The following UPF1 variants were observed in gnomAD, a reference collection of about 807,000 sequenced individuals.
UPF1 encodes UPF1 RNA helicase and ATPase.
In UPF1, 9 loss-of-function variants were observed where a neutral mutation model predicts 129.2. That is an observed-to-expected ratio of 0.07 (90% CI 0.04 to 0.12). The LOEUF is 0.12. Among genes scored for constraint, UPF1 ranks in the 10% least tolerant of loss-of-function variants. The probability of loss-of-function intolerance (pLI) is 1.00; values close to 1 mark genes in which losing one functional copy is unlikely to be tolerated. For synonymous variants in UPF1, 649 were observed against 644.9 expected, an observed-to-expected ratio of 1.01 and a Z score of -0.10; for missense variants, 788 against 1,525.3, an observed-to-expected ratio of 0.52 and a Z score of 8.05.
At chr19:18,860,191 C>T (rs1237719915) in intron 15 of UPF1, 130 bp from the exon 16 acceptor site, 6 of 953,030 alleles carry the variant, frequency 6.3e-6, no homozygotes, top group African/African-American at 1.6e-5. Flanking sequence ...CTCACCAGGG[C>T]CTCACAGATC....
Position 18,832,742 on chromosome 19 carries a change from C to G in UPF1, c.231+302C>G, listed in dbSNP as rs1182932376. On this transcript the variant is annotated intron_variant, in intron 1 of 23. Coordinates refer to ENST00000262803, the MANE Select transcript of UPF1 (RefSeq NM_002911.4). The surrounding 1 kb of genome is among the most constrained non-coding windows in gnomAD (Gnocchi z 5.6). ...CTTGCCTCGAGTCCTCCACTTCGTT[C>G]GGGACCGAGCTAACCTGACCCTGTT... is the stretch of plus-strand genomic sequence containing the variant. Among the ~76,000 whole-genome samples, 2 of 152,194 alleles carry G rather than the reference C, an allele frequency of 1.3e-5. No homozygotes were observed. Among genetic ancestry groups the G allele is most frequent in the African/African-American group, 4.8e-5 (2 of 41,430 alleles).
At chr19:18,845,674 G>T (rs146058613) in intron 1 of UPF1, among the ~76,000 whole-genome samples, 33 of 152,230 alleles carry the variant, frequency 2.2e-4, no homozygotes, top group African/African-American at 7.7e-4. Flanking sequence ...CCTGCTCCTT[G>T]TGGTCCTCAG....
At chr19:18,856,140 A>C in intron 12 of UPF1, 46 bp from the exon 13 acceptor site, 1 of 1,607,682 alleles carries the variant, frequency 6.2e-7, no homozygotes, top group Non-Finnish European at 8.5e-7. Flanking sequence ...TCTGCGGGTG[A>C]CATGTACAGA....
intron 1 of UPF1, 115 bp from the exon 2 acceptor site, chr19:18,845,865 T>C: frequency 1.4e-6 from 2 of 1,417,844 alleles, no homozygotes; most frequent in Non-Finnish European, 1.9e-6. Flanking sequence ...CAAGGGAAAC[T>C]GTCTCAAAGC....
chr19:18,853,326 G>A lies in UPF1; in HGVS notation c.1132G>A (p.Gly378Ser). 6.2e-7 allele frequency: 1 copy of A among 1,612,278 alleles called. No individual in the cohort carries two copies. The highest frequency in any genetic ancestry group is 8.5e-7 in the Non-Finnish European group (1 of 1,178,928). ...CCTTGCGCCCCTGTGGAAAGGGATC[G>A]GCCACGTCATCAAGGTCCCTGATAG... ...GDLAPLWKGIGHVIKVPDNYG... is the reference protein window; with the variant it reads ...GDLAPLWKGISHVIKVPDNYG... Residue 378 changes from glycine (G) to serine (S), a missense_variant, in exon 8 of 24, where the codon GGC becomes AGC. Coordinates refer to ENST00000262803, the MANE Select transcript of UPF1 (RefSeq NM_002911.4). The surrounding 1 kb of genome is among the most constrained non-coding windows in gnomAD (Gnocchi z 4.4).
Position 18,857,204 on chromosome 19 carries a change from GC to G in UPF1, c.1969-112del, listed in dbSNP as rs2055728254. 10 of 1,461,926 alleles carry G rather than the reference GC, an allele frequency of 6.8e-6. No individual in the cohort carries two copies. In the South Asian group the frequency reaches 1.2e-4, roughly 17 times the overall value. 90.6% of individuals were successfully genotyped at this position (1,461,926 alleles called of 1,614,324 possible). On this transcript the variant is annotated intron_variant, in intron 14 of 23. Coordinates refer to ENST00000262803, the MANE Select transcript of UPF1 (RefSeq NM_002911.4). ...ACGTCCAGTGTGCGTGGTGAGCAAT[GC>G]CCCTGTGGCCAGGTGGTGTCCTGTG...
In UPF1 at chr19:18,832,795, C is replaced by T. The variant is rs554025136; in HGVS notation, c.231+355C>T. Among the ~76,000 whole-genome samples, 1 of 152,330 alleles carries T rather than the reference C, an allele frequency of 6.6e-6. No individual in the cohort carries two copies. The highest frequency in any genetic ancestry group is 1.9e-4 in the East Asian group (1 of 5,184). On this transcript the variant is annotated intron_variant, in intron 1 of 23. Transcript: ENST00000262803. The surrounding 1 kb of genome is among the most constrained non-coding windows in gnomAD (Gnocchi z 5.6). ...TTTACGCCAGCTGGGTTTGCTCCCC[C>T]TCCTGGGCCCGGGCTGACCTGCCTT...
chr19:18,855,862 T>G, intron 11 of UPF1, 63 bp from the exon 12 acceptor site: 1 of 1,579,806 alleles, frequency 6.3e-7, no homozygotes, highest in African/African-American at 1.3e-5. Flanking sequence ...AACAGAGTCT[T>G]GGCTTACTAC....
intron 1 of UPF1, among the ~76,000 whole-genome samples, chr19:18,838,201 C>T (rs2055503486): frequency 2.0e-5 from 3 of 152,256 alleles, no homozygotes; most frequent in South Asian, 2.1e-4. Context: ...TAGCTGGGCA[C>T]GATGGCCCAT....
Position 18,853,831 on chromosome 19 carries a change from G to A in UPF1, c.1156+481G>A, listed in dbSNP as rs1017929252. Among the ~76,000 whole-genome samples the A allele has an allele frequency of 1.3e-5, 2 of 152,188 alleles. No individual in the cohort carries two copies. Among genetic ancestry groups the A allele is most frequent in the African/African-American group, 4.8e-5 (2 of 41,440 alleles). ...TGATGCAGCCTGCCGGCCAGAGTGGGGCAGCTGTAAGGCACAGGTGCAGTC... is the reference window on the plus strand; with the variant it reads ...TGATGCAGCCTGCCGGCCAGAGTGGAGCAGCTGTAAGGCACAGGTGCAGTC... On this transcript the variant is annotated intron_variant, in intron 8 of 23. Transcript: ENST00000262803. The surrounding 1 kb of genome is among the most constrained non-coding windows in gnomAD (Gnocchi z 4.4).
At position 18,832,347 on chromosome 19, in the gene UPF1, GC is replaced by G; in HGVS notation, c.144del (p.Gly49AlafsTer45). The stretch of plus-strand genomic sequence containing the variant: ...TTACTCTTCCTAGCCAGACGCAGAC[GC>G]CCCCCGGCGGCCCCGGCGGCCCGGG... ...DFTLPSQTQT[P>X]PGGPGGPGGG... On this transcript the variant is annotated frameshift_variant, in exon 1 of 24. Transcript: ENST00000262803. LOFTEE classifies it high-confidence loss of function. The surrounding 1 kb of genome is among the most constrained non-coding windows in gnomAD (Gnocchi z 5.6). 8.0e-6 allele frequency: 11 copies of G among 1,380,420 alleles called. No individual in the cohort carries two copies. Among genetic ancestry groups the G allele is most frequent in the Middle Eastern group, 2.2e-4 (1 of 4,530 alleles). 85.5% of individuals were successfully genotyped at this position (1,380,420 alleles called of 1,614,324 possible).
chr19:18,866,247 C>T (rs1318294306), intron 23 of UPF1, 81 bp downstream of exon 23: 1 of 1,457,346 alleles, frequency 6.9e-7, no homozygotes, highest in Non-Finnish European at 9.0e-7. Context: ...GGGAGCTGCA[C>T]TGGAGGGGTG....
In UPF1 at chr19:18,866,105, C is replaced by T. The variant is rs2055840568; in HGVS notation, c.3299C>T (p.Thr1100Met). The T allele has an allele frequency of 2.5e-6, 4 of 1,612,758 alleles. No individual in the cohort carries two copies. Among genetic ancestry groups the T allele is most frequent in the Non-Finnish European group, 3.4e-6 (4 of 1,179,688 alleles). ...QIDVALSQDS[T>M]YQGERAYQHG... Reference sequence around the variant, plus strand: ...GACGTGGCGCTCTCACAGGACTCCACGTACCAGGGAGAGCGGGCTTACCAG... The same window carrying T: ...GACGTGGCGCTCTCACAGGACTCCATGTACCAGGGAGAGCGGGCTTACCAG... Residue 1100 changes from threonine to methionine, a missense_variant, in exon 23 of 24, where the codon ACG (threonine) becomes ATG (methionine). Thr to Met is a moderately conservative substitution (Grantham distance 81). Transcript: ENST00000262803.
chr19:18,855,120 G>A lies in UPF1; in HGVS notation c.1426-4G>A. 1 of 1,613,908 alleles carries A rather than the reference G, an allele frequency of 6.2e-7. No homozygotes were observed. ...GCTGCCCCTAACGGCCGCTTGTATT[G>A]AAGGTTTATGCCGTGAAGACTGTGC... On this transcript the variant is annotated splice_polypyrimidine_tract_variant and splice_region_variant and intron_variant, in intron 10 of 23. Transcript: ENST00000262803.
chr19:18,850,188 T>A lies in UPF1; in HGVS notation c.575T>A (p.Phe192Tyr). 6.2e-7 allele frequency: 1 copy of A among 1,613,858 alleles called. No homozygotes were observed. The highest frequency in any genetic ancestry group is 8.5e-7 in the Non-Finnish European group (1 of 1,179,844). The change falls in exon 4 of 24, where the codon TTC becomes TAC. Residue 192 changes from phenylalanine to tyrosine, a missense_variant. Transcript: ENST00000262803. This position sits in a 1 kb window ranked among gnomAD's most constrained non-coding sequence, Gnocchi z 7.1. ...TACAACTGCGGCTGTCGCAACGTCT[T>A]CCTCCTCGGCTTCATCCCGGCCAAA... The part of the protein sequence containing the change: ...ECYNCGCRNV[F>Y]LLGFIPAKAD...
At chr19:18,844,501 T>TA (rs1385254419) in intron 1 of UPF1, among the ~76,000 whole-genome samples, 1 of 150,888 alleles carries the variant, frequency 6.6e-6, no homozygotes, top group Non-Finnish European at 1.5e-5. Context: ...TTTTTTTTTT[T>TA]TTTGCCTTTT....
At chr19:18,833,492 G>A (rs536124560) in intron 1 of UPF1, among the ~76,000 whole-genome samples, 1 of 152,140 alleles carries the variant, frequency 6.6e-6, no homozygotes, top group East Asian at 1.9e-4. Context: ...TTTAAATGGG[G>A]GCTTGGGTTG....
chr19:18,862,192 C>A, intron 18 of UPF1, 40 bp downstream of exon 18: 1 of 1,603,692 alleles, frequency 6.2e-7, no homozygotes, highest in South Asian at 1.1e-5. Flanking sequence ...AGCCGCTCAT[C>A]GGTCCTCACT....
At position 18,850,942 on chromosome 19, in the gene UPF1, C is replaced by CGGCTT; in HGVS notation, c.810+76_810+80dup. 1 of 1,440,682 alleles carries CGGCTT rather than the reference C, an allele frequency of 6.9e-7. No individual in the cohort carries two copies. The allele number at this position is 1,440,682 out of a possible 1,614,324, so 89.2% of individuals were successfully genotyped here. On this transcript the variant is annotated intron_variant, in intron 5 of 23. Coordinates refer to ENST00000262803, the MANE Select transcript of UPF1 (RefSeq NM_002911.4). The surrounding 1 kb of genome is among the most constrained non-coding windows in gnomAD (Gnocchi z 7.1). ...GCGGGGAGGGGAGTGTCTTCAGAGA[C>CGGCTT]GGCTTGACCCAGTGAGACCGCTGGA...
Sources: gnomAD v4.1 joint callset for allele counts (sites outside exome capture counted in the v4.1 genomes callset) on GRCh38, gnomAD v4.1.1 for gene constraint, Gnocchi (gnomAD v3.1) non-coding constraint, MANE v1.5 for transcripts, NCBI Gene and HGNC (gene_info 2026-07-23, HGNC 2026-07-21) for gene names.